Variants in PHACTR4 observed in about 807,000 individuals in gnomAD.
The protein encoded by PHACTR4 is phosphatase and actin regulator 4.
PHACTR4 carries 51 observed loss-of-function variants against 72.7 expected under a neutral mutation model. That is an observed-to-expected ratio of 0.70 (90% CI 0.56 to 0.89). The LOEUF (loss-of-function observed/expected upper bound fraction) is 0.89, where lower values mean the gene tolerates loss of function less well. Ranked by LOEUF, PHACTR4 falls within the 40% of genes least tolerant of loss-of-function variation. The pLI is 0.00. For missense variants in PHACTR4, 731 were observed against 861.8 expected, an observed-to-expected ratio of 0.85 and a Z score of 1.90; for synonymous variants, 255 against 302.5, an observed-to-expected ratio of 0.84 and a Z score of 1.63.
chr1:28,423,424 T>TAAATAAATA (rs963009982), intron 2 of PHACTR4, among the ~76,000 whole-genome samples: 6 of 126,048 alleles, frequency 4.8e-5, no homozygotes, highest in African/African-American at 2.7e-4. Context: ...AATAAATAAA[T>TAAATAAATA]AAATAAATAA....
Position 28,459,083 on chromosome 1 carries a change from A to G in PHACTR4, c.17-2A>G. On this transcript the variant is annotated splice_acceptor_variant, in intron 2 of 13. Coordinates refer to ENST00000373839, the MANE Select transcript of PHACTR4 (RefSeq NM_001048183.3). LOFTEE classifies it high-confidence loss of function. Reference sequence around the variant, plus strand: ...CTTCCCTCTCTTCTTTTCATGTAACAGAGGAAGCAGACCAGCCCACTACAG... The same window carrying G: ...CTTCCCTCTCTTCTTTTCATGTAACGGAGGAAGCAGACCAGCCCACTACAG... 6.3e-7 allele frequency: 1 copy of G among 1,588,754 alleles called. No homozygotes were observed. The highest frequency in any genetic ancestry group is 8.6e-7 in the Non-Finnish European group (1 of 1,168,826).
chr1:28,431,738 C>T (rs1423264218), intron 2 of PHACTR4, among the ~76,000 whole-genome samples: 6 of 152,180 alleles, frequency 3.9e-5, no homozygotes, highest in African/African-American at 1.4e-4. Flanking sequence ...TGCTTATAAA[C>T]AATTTTAACA....
chr1:28,468,507 G>T (rs1659361320), intron 6 of PHACTR4, among the ~76,000 whole-genome samples: 1 of 152,172 alleles, frequency 6.6e-6, no homozygotes, highest in Admixed American at 6.6e-5. Flanking sequence ...CAGGAGAATT[G>T]CTTGCACGTG....
At chr1:28,421,114 C>T (rs921607687) in intron 2 of PHACTR4, among the ~76,000 whole-genome samples, 1 of 152,158 alleles carries the variant, frequency 6.6e-6, no homozygotes, top group Non-Finnish European at 1.5e-5. Flanking sequence ...GTCAAAACAA[C>T]GTCACTGGCT....
At chr1:28,424,789 G>T (rs1655728697) in intron 2 of PHACTR4, among the ~76,000 whole-genome samples, 1 of 149,390 alleles carries the variant, frequency 6.7e-6, no homozygotes, top group Admixed American at 6.6e-5. Flanking sequence ...TGGCTGGCCT[G>T]TTTTTTTGTT....
chr1:28,450,974 C>CTTTTTTTTTTTTTTTATTTTTTTTTT (rs1657916350), intron 2 of PHACTR4, among the ~76,000 whole-genome samples: 1 of 72,076 alleles, frequency 1.4e-5, no homozygotes, highest in Non-Finnish European at 2.7e-5. Flanking sequence ...CCACACCCAG[C>CTTTTTTTTTTTTTTTATTTTTTTTTT]TTTTTTTTTT....
chr1:28,433,339 A>G (rs552300763), intron 2 of PHACTR4, among the ~76,000 whole-genome samples: 12 of 152,060 alleles, frequency 7.9e-5, no homozygotes, highest in Middle Eastern at 3.4e-3. Flanking sequence ...CTACTTACCA[A>G]TTAGCACAGA....
chr1:28,371,364 G>A (rs1300057765), intron 1 of PHACTR4, among the ~76,000 whole-genome samples: 2 of 151,950 alleles, frequency 1.3e-5, no homozygotes, highest in Admixed American at 6.6e-5. Flanking sequence ...GCACGATCTT[G>A]GCTCACTGCA....
rs761880553 is a variant in PHACTR4, at chr1:28,489,239, T to C, written c.1816+14T>C. The C allele has an allele frequency of 9.4e-6, 15 of 1,602,836 alleles. No individual in the cohort carries two copies. In the Admixed American group the frequency reaches 2.0e-4, roughly 22 times the overall value. On this transcript the variant is annotated intron_variant, in intron 10 of 13. Transcript: ENST00000373839. ...ATATATTGCAACGTGAGTCCAGTTA[T>C]GGAAATAAAGTTGTATAGATTTTCT...
At chr1:28,393,011 G>A (rs1019158316) in intron 1 of PHACTR4, among the ~76,000 whole-genome samples, 5 of 152,272 alleles carry the variant, frequency 3.3e-5, no homozygotes, top group Non-Finnish European at 5.9e-5. Flanking sequence ...AACGTACTTT[G>A]ATTGAGTGCA....
At chr1:28,378,218 T>G (rs1651848970) in intron 1 of PHACTR4, among the ~76,000 whole-genome samples, 1 of 90,380 alleles carries the variant, frequency 1.1e-5, no homozygotes. Context: ...AAAAAAAAAT[T>G]TGGCCAGGCG....
At chr1:28,464,489 G>T (rs928201582) in intron 4 of PHACTR4, among the ~76,000 whole-genome samples, 3 of 152,156 alleles carry the variant, frequency 2.0e-5, no homozygotes, top group Non-Finnish European at 4.4e-5. Flanking sequence ...TGAGAGAGGA[G>T]GACTGTTTGA....
chr1:28,444,214 C>CTTTTTTTTTT (rs746642128), intron 2 of PHACTR4, among the ~76,000 whole-genome samples: 1 of 41,088 alleles, frequency 2.4e-5, no homozygotes, highest in Non-Finnish European at 4.9e-5. Context: ...ATATATTTGG[C>CTTTTTTTTTT]TTTTTTTTTT....
chr1:28,437,704 A>G (rs1656722002), intron 2 of PHACTR4, among the ~76,000 whole-genome samples: 1 of 152,152 alleles, frequency 6.6e-6, no homozygotes, highest in South Asian at 2.1e-4. Context: ...TACTAATCCT[A>G]TTAGTGAGGG....
intron 2 of PHACTR4, among the ~76,000 whole-genome samples, chr1:28,409,917 T>G (rs1654648554): frequency 6.6e-6 from 1 of 151,266 alleles, no homozygotes; most frequent in Non-Finnish European, 1.5e-5. Context: ...ATCCTTAGTT[T>G]GAACACAAGA....
chr1:28,401,300 C>CTTT (rs34281484), intron 1 of PHACTR4, among the ~76,000 whole-genome samples: 8 of 103,012 alleles, frequency 7.8e-5, no homozygotes, highest in Non-Finnish European at 1.4e-4. Flanking sequence ...ACCTGCTTTA[C>CTTT]TTTTTTTTTT....
At chr1:28,421,331 G>A (rs997740689) in intron 2 of PHACTR4, among the ~76,000 whole-genome samples, 50 of 152,000 alleles carry the variant, frequency 3.3e-4, no homozygotes, top group Non-Finnish European at 3.7e-4. Context: ...GTAGTATAAT[G>A]GACCATCTTG....
At position 28,474,014 on chromosome 1, in the gene PHACTR4, A is replaced by C. The variant is rs764666451; in HGVS notation, c.1284A>C (p.Pro428=). Residue 428 remains proline (P), a synonymous_variant, in exon 7 of 14, where the codon CCA becomes CCC. Coordinates refer to ENST00000373839, the MANE Select transcript of PHACTR4 (RefSeq NM_001048183.3). ...GAATCCAGCAGGCCCTCACCAGCCC[A>C]CTTCCCATGACTCCTATTCTGGAGG... ...HIRIQQALTS[P]LPMTPILEGS... 10 of 1,614,136 alleles carry C rather than the reference A, an allele frequency of 6.2e-6. No homozygotes were observed. In the South Asian group the frequency reaches 1.1e-4, roughly 18 times the overall value.
At chr1:28,399,550 C>T (rs571133053) in intron 1 of PHACTR4, among the ~76,000 whole-genome samples, 2 of 152,098 alleles carry the variant, frequency 1.3e-5, no homozygotes, top group South Asian at 4.2e-4. Flanking sequence ...TTGTTGGTCT[C>T]GGACTATGTA....
Sources: allele counts gnomAD v4.1 joint callset (sites outside exome capture counted in the v4.1 genomes callset), GRCh38; gene constraint gnomAD v4.1.1; transcripts MANE v1.5; gene names NCBI Gene and HGNC (gene_info 2026-07-23, HGNC 2026-07-21).